KCNG2: variants seen among roughly 807,000 people sequenced by gnomAD.
KCNG2 encodes the protein voltage-gated potassium channel regulatory subunit KCNG2.
A neutral mutation model predicts 12.3 loss-of-function variants in KCNG2; 7 were observed. That is an observed-to-expected ratio of 0.57 (90% confidence interval 0.32 to 1.07). The LOEUF is 1.07. Among genes scored for constraint, KCNG2 ranks in the 50% least tolerant of loss-of-function variants. The pLI is 0.04. For synonymous variants in KCNG2, 414 were observed against 351.4 expected (o/e 1.18, Z -1.99); for missense variants, 703 against 726.0 (o/e 0.97, Z 0.36).
rs1980468350 is a variant in KCNG2 at position 79,884,992 on chromosome 18, C to T, written c.625-14048C>T. 1.3e-5 allele frequency among the ~76,000 whole-genome samples: 2 copies of T among 152,178 alleles called. No individual in the cohort carries two copies. The highest frequency in any genetic ancestry group is 2.4e-5 in the African/African-American group (1 of 41,434). ...GGTCCACTTTCCCTCCCCAAAGAAG[C>T]GCTTGCCCAACTCTCGGGGTGCTTG... is the stretch of plus-strand genomic sequence containing the variant. On this transcript the variant is annotated intron_variant, in intron 3 of 3. Coordinates refer to ENST00000316249, the MANE Select transcript of KCNG2 (RefSeq NM_012283.2). This position sits in a 1 kb window ranked among gnomAD's most constrained non-coding sequence, Gnocchi z 5.5.
At chr18:79,832,207 C>T (rs1386974572) in intron 1 of KCNG2, among the ~76,000 whole-genome samples, 1 of 151,248 alleles carries the variant, frequency 6.6e-6, no homozygotes, top group Non-Finnish European at 1.5e-5. Context: ...TCCTTCCTCA[C>T]CTGCCCTTCC....
intron 1 of KCNG2, among the ~76,000 whole-genome samples, chr18:79,824,056 G>A: frequency 6.6e-6 from 1 of 152,202 alleles, no homozygotes; most frequent in Admixed American, 6.5e-5. Context: ...AGGCTGGAGT[G>A]CAGTGGCACG....
intron 3 of KCNG2, among the ~76,000 whole-genome samples, chr18:79,896,019 G>A (rs1471702396): frequency 6.6e-6 from 1 of 152,192 alleles, no homozygotes; most frequent in Non-Finnish European, 1.5e-5. Context: ...AGGTTGGAGT[G>A]CAGTGGCACA....
chr18:79,826,950 G>A (rs1978286579), intron 1 of KCNG2, among the ~76,000 whole-genome samples: 1 of 152,244 alleles, frequency 6.6e-6, no homozygotes. Context: ...TTATTAAAAT[G>A]TAAAAGTTTA....
chr18:79,865,961 C>T (rs1979504979), intron 3 of KCNG2, among the ~76,000 whole-genome samples: 1 of 123,978 alleles, frequency 8.1e-6, no homozygotes, highest in East Asian at 2.5e-4. Flanking sequence ...GGTCTGTGTG[C>T]TGAGAGGACT....
At chr18:79,804,482 G>A (rs2122987870) in intron 1 of KCNG2, among the ~76,000 whole-genome samples, 1 of 152,352 alleles carries the variant, frequency 6.6e-6, no homozygotes, top group South Asian at 2.1e-4. Context: ...GTGGCTGTGG[G>A]GGGCCCTCCC....
intron 1 of KCNG2, among the ~76,000 whole-genome samples, chr18:79,798,573 C>T (rs1048733868): frequency 3.3e-5 from 5 of 152,214 alleles, no homozygotes; most frequent in Non-Finnish European, 5.9e-5. Context: ...CCCACTCCCG[C>T]TCGGACACAC....
At chr18:79,818,481 C>T (rs919018116) in intron 1 of KCNG2, among the ~76,000 whole-genome samples, 3 of 152,052 alleles carry the variant, frequency 2.0e-5, no homozygotes, top group South Asian at 2.1e-4. Flanking sequence ...AGCAACAGCA[C>T]GTCAGGAAAC....
At chr18:79,866,717 T>G (rs150395370) in intron 3 of KCNG2, among the ~76,000 whole-genome samples, 3,965 of 77,122 alleles carry the variant, frequency 0.051, 70 homozygotes, top group Non-Finnish European at 0.076. Context: ...GAGAAGTCTG[T>G]GTGCTGAGAG....
chr18:79,807,758 T>C (rs1242101814), intron 1 of KCNG2, among the ~76,000 whole-genome samples: 1 of 150,924 alleles, frequency 6.6e-6, no homozygotes, highest in Non-Finnish European at 1.5e-5. Context: ...ATGCCCAGAG[T>C]CCTCGCCCTG....
At chr18:79,851,740 C>T (rs1978828016) in intron 1 of KCNG2, among the ~76,000 whole-genome samples, 1 of 131,658 alleles carries the variant, frequency 7.6e-6, no homozygotes, top group African/African-American at 2.7e-5. Flanking sequence ...AATGTGTATG[C>T]CTGTGTGAAT....
Position 79,824,841 on chromosome 18 carries a change from A to T in KCNG2, c.-115+26827A>T, listed in dbSNP as rs570381409. Reference sequence around the variant, plus strand: ...CTTTGTCGCAGTATTTTTTTTTCTTAAGAGGCATTGAATTCTGTTTAATAA... The same window carrying T: ...CTTTGTCGCAGTATTTTTTTTTCTTTAGAGGCATTGAATTCTGTTTAATAA... On this transcript the variant is annotated intron_variant, in intron 1 of 3. Coordinates refer to ENST00000316249, the MANE Select transcript of KCNG2 (RefSeq NM_012283.2). Among the ~76,000 whole-genome samples the T allele has an allele frequency of 1.9e-3, 287 of 152,026 alleles. 1 individual carries two copies. Among genetic ancestry groups the T allele is most frequent in the African/African-American group, 6.8e-3 (283 of 41,464 alleles).
chr18:79,863,535 G>A (rs955976015), intron 2 of KCNG2, 93 bp from the exon 3 acceptor site: 1 of 1,020,020 alleles, frequency 9.8e-7, no homozygotes, highest in East Asian at 4.5e-5. Flanking sequence ...ACCTCCGAGG[G>A]TTCGGTGCCG....
chr18:79,874,031 G>A (rs555556345), intron 3 of KCNG2, among the ~76,000 whole-genome samples: 45 of 152,228 alleles, frequency 3.0e-4, no homozygotes, highest in African/African-American at 8.2e-4. Context: ...CAACTGATCC[G>A]GTTACAGCCT....
At chr18:79,851,713 G>T (rs1887433459) in intron 1 of KCNG2, among the ~76,000 whole-genome samples, 1 of 151,952 alleles carries the variant, frequency 6.6e-6, no homozygotes, top group Admixed American at 6.6e-5. Flanking sequence ...ATGTGTGTGT[G>T]AACGTGCATG....
At chr18:79,805,691 C>T (rs766140900) in intron 1 of KCNG2, among the ~76,000 whole-genome samples, 2 of 152,322 alleles carry the variant, frequency 1.3e-5, no homozygotes, top group Non-Finnish European at 1.5e-5. Flanking sequence ...CTTCACCTGA[C>T]GGCCTCATCC....
intron 3 of KCNG2, among the ~76,000 whole-genome samples, chr18:79,887,221 TCACAGGGACAGGGA>T (rs1267255685): frequency 6.8e-6 from 1 of 146,620 alleles, no homozygotes; most frequent in Non-Finnish European, 1.5e-5. Flanking sequence ...GGATATAGGG[TCACAGGGACAGGGA>T]CACAGGGAGG....
chr18:79,874,079 G>A (rs1024751649), intron 3 of KCNG2, among the ~76,000 whole-genome samples: 1 of 152,230 alleles, frequency 6.6e-6, no homozygotes, highest in African/African-American at 2.4e-5. Context: ...GGCAGGCGCT[G>A]TCTCCTGACT....
At chr18:79,872,654 G>A (rs915471702) in intron 3 of KCNG2, among the ~76,000 whole-genome samples, 7 of 152,302 alleles carry the variant, frequency 4.6e-5, no homozygotes, top group Admixed American at 3.3e-4. Flanking sequence ...GCGCAGTTGC[G>A]GGCTGGCTTA....
Sources: allele counts gnomAD v4.1 joint callset (sites outside exome capture counted in the v4.1 genomes callset), GRCh38; gene constraint gnomAD v4.1.1; non-coding constraint Gnocchi (gnomAD v3.1); transcripts MANE v1.5; gene names NCBI Gene and HGNC (gene_info 2026-07-23, HGNC 2026-07-21).